The following MACC1 variants were observed in gnomAD, a reference collection of about 807,000 sequenced individuals.
The protein encoded by MACC1 is metastasis-associated in colon cancer protein 1.
In MACC1, 79 loss-of-function variants were observed where a neutral mutation model predicts 70.7. That is an observed-to-expected ratio of 1.12 (90% CI 0.93 to 1.35). The LOEUF (loss-of-function observed/expected upper bound fraction) is 1.35, where lower values mean the gene tolerates loss of function less well. Ranked by LOEUF, MACC1 falls within the 40% of genes most tolerant of loss-of-function variation. The pLI, the probability that MACC1 is intolerant of heterozygous loss-of-function variation, is 0.00. For missense variants in MACC1, 1,106 were observed against 978.1 expected, an observed-to-expected ratio of 1.13 and a Z score of -1.74; for synonymous variants, 361 against 347.2, an observed-to-expected ratio of 1.04 and a Z score of -0.44.
intron 1 of MACC1, among the ~76,000 whole-genome samples, chr7:20,177,437 A>G (rs1435612521): frequency 6.6e-6 from 1 of 152,098 alleles, no homozygotes; most frequent in East Asian, 1.9e-4. Context: ...TAATTCAGTC[A>G]GTTTGTGCTT....
At chr7:20,165,740 G>A (rs372060775) in intron 2 of MACC1, among the ~76,000 whole-genome samples, 9 of 152,018 alleles carry the variant, frequency 5.9e-5, no homozygotes, top group African/African-American at 2.2e-4. Flanking sequence ...AGTCTTTGTT[G>A]GAATGAGTAA....
intron 1 of MACC1, among the ~76,000 whole-genome samples, chr7:20,215,988 C>G (rs1783064470): frequency 6.6e-6 from 1 of 152,072 alleles, no homozygotes; most frequent in Non-Finnish European, 1.5e-5. Flanking sequence ...ATAATTATGA[C>G]TTCATAATTT....
In MACC1 at chr7:20,159,638, C is replaced by G; in HGVS notation, c.723G>C (p.Val241=). 1 of 1,614,160 alleles carries G rather than the reference C, an allele frequency of 6.2e-7. No individual in the cohort carries two copies. Among genetic ancestry groups the G allele is most frequent in the Non-Finnish European group, 8.5e-7 (1 of 1,180,024 alleles). The change falls in exon 5 of 7, where the codon GTG becomes GTC. Residue 241 remains valine (V), a synonymous_variant. Coordinates refer to ENST00000400331, the MANE Select transcript of MACC1 (RefSeq NM_182762.4). ...DITVHVPQGH[V]AVGEFQEVSL... Reference sequence around the variant, plus strand: ...ACACCTCTTGGAATTCTCCCACAGCCACATGACCTTGGGGCACATGAACAG... The same window carrying G: ...ACACCTCTTGGAATTCTCCCACAGCGACATGACCTTGGGGCACATGAACAG...
intron 5 of MACC1, among the ~76,000 whole-genome samples, chr7:20,156,578 G>A (rs1782057870): frequency 6.6e-6 from 1 of 152,180 alleles, no homozygotes; most frequent in African/African-American, 2.4e-5. Context: ...TGCACACGCA[G>A]CTTCCACCAG....
chr7:20,159,515 T>C lies in MACC1; in HGVS notation c.846A>G (p.Thr282=), dbSNP rs746945314. 17 of 1,613,978 alleles carry C rather than the reference T, an allele frequency of 1.1e-5. 1 individual carries two copies. The highest frequency in any genetic ancestry group is 5.5e-5 in the South Asian group (5 of 91,088). ...LLEIMLGNLN[T]MEALLLEMKI... ...TCATCTCCAGCAAAAGGGCTTCCAT[T>C]GTATTGAGGTTGCCTAACATGATTT... Residue 282 remains threonine, a synonymous_variant, in exon 5 of 7, where the codon ACA becomes ACG. Coordinates refer to ENST00000400331, the MANE Select transcript of MACC1 (RefSeq NM_182762.4).
Position 20,158,333 on chromosome 7 carries a change from C to T in MACC1, c.2028G>A (p.Leu676=). Residue 676 remains leucine, a synonymous_variant, in exon 5 of 7, where the codon CTG becomes CTA. Transcript: ENST00000400331. ...GAATTTGATCAAAATCTTCCAGGGA[C>T]AGATGTGAGTAACCCAGGACATCAG... The part of the protein sequence containing the change: ...VLADVLGYSH[L]SLEDFDQIQA... The T allele has an allele frequency of 6.2e-7, 1 of 1,613,892 alleles. No homozygotes were observed. The highest frequency in any genetic ancestry group is 8.5e-7 in the Non-Finnish European group (1 of 1,179,988).
At chr7:20,182,369 A>G (rs1347531728) in intron 1 of MACC1, among the ~76,000 whole-genome samples, 5 of 152,176 alleles carry the variant, frequency 3.3e-5, no homozygotes, top group East Asian at 1.9e-4. Flanking sequence ...TGATAAATCA[A>G]TTTGATAATA....
In MACC1 at chr7:20,158,498, T is replaced by G; in HGVS notation, c.1863A>C (p.Gln621His). Residue 621 changes from glutamine to histidine, a missense_variant, in exon 5 of 7, where the codon CAA becomes CAC. By Grantham distance (24) the Gln-to-His change is conservative (BLOSUM62 0). Coordinates refer to ENST00000400331, the MANE Select transcript of MACC1 (RefSeq NM_182762.4). The part of the protein sequence containing the change: ...CKNVKVISKE[Q>H]VMFMSDSVFT... ...AGACACTATCTGACATAAACATTAC[T>G]TGCTCCTTTGAAATCACCTTGACAT... is the stretch of plus-strand genomic sequence containing the variant. The G allele has an allele frequency of 1.9e-6, 3 of 1,614,118 alleles. No individual in the cohort carries two copies.
intron 1 of MACC1, among the ~76,000 whole-genome samples, chr7:20,183,839 C>T (rs933182175): frequency 2.0e-5 from 3 of 151,744 alleles, no homozygotes; most frequent in Admixed American, 1.3e-4. Context: ...TCCCAAGTAA[C>T]TGGGATCACA....
intron 1 of MACC1, among the ~76,000 whole-genome samples, chr7:20,186,111 G>A (rs577406618): frequency 8.2e-4 from 125 of 152,312 alleles, no homozygotes; most frequent in Middle Eastern, 3.4e-3. Flanking sequence ...TTACATTTAC[G>A]ATAGAGTTCC....
At chr7:20,174,981 T>C (rs891110052) in intron 1 of MACC1, among the ~76,000 whole-genome samples, 11 of 152,094 alleles carry the variant, frequency 7.2e-5, no homozygotes, top group Non-Finnish European at 7.4e-5. Flanking sequence ...ATATCACATA[T>C]CCCAAATATC....
At position 20,159,795 on chromosome 7, in the gene MACC1, G is replaced by GC; in HGVS notation, c.565dup (p.Ala189GlyfsTer6). ...TGTATTCAAATCAAGGCAGGAGCGG[G>GC]CCAGCTGGCGTTGACTTAACCAAGC... is the stretch of plus-strand genomic sequence containing the variant. On this transcript the variant is annotated frameshift_variant, in exon 5 of 7. Transcript: ENST00000400331. LOFTEE classifies it high-confidence loss of function. The GC allele has an allele frequency of 6.2e-7, 1 of 1,614,090 alleles. No homozygotes were observed. The highest frequency in any genetic ancestry group is 1.1e-5 in the South Asian group (1 of 91,088).
At chr7:20,181,795 A>G (rs1329953542) in intron 1 of MACC1, among the ~76,000 whole-genome samples, 1 of 152,192 alleles carries the variant, frequency 6.6e-6, no homozygotes, top group African/African-American at 2.4e-5. Flanking sequence ...ATGAAACAAT[A>G]AAAATAAATT....
chr7:20,141,718 T>G (rs1432030717), intron 6 of MACC1, among the ~76,000 whole-genome samples: 1 of 152,168 alleles, frequency 6.6e-6, no homozygotes, highest in Non-Finnish European at 1.5e-5. Context: ...CATGATATAT[T>G]TTATCATCGA....
At position 20,181,356 on chromosome 7, in the gene MACC1, G is replaced by C. The variant is rs73685411; in HGVS notation, c.-217-10578C>G. ...CAGTTACAGTATAAAATATTGTAGT[G>C]AAATTCCACTGAATATTAGATTAAA... On this transcript the variant is annotated intron_variant, in intron 1 of 6. Transcript: ENST00000400331. Among the ~76,000 whole-genome samples the C allele has an allele frequency of 3.4e-3, 521 of 151,978 alleles. 1 individual carries two copies. Among genetic ancestry groups the C allele is most frequent in the African/African-American group, 0.012 (505 of 41,488 alleles).
Position 20,169,575 on chromosome 7 carries a change from G to A in MACC1, c.-153+1139C>T, listed in dbSNP as rs1432342578. ...AGCTCCACTGCTTCCTAGAACACTT[G>A]ACAGTATATCAGGAGACCTCACTGG... On this transcript the variant is annotated intron_variant, in intron 2 of 6. Transcript: ENST00000400331. Among the ~76,000 whole-genome samples, 3 of 152,174 alleles carry A rather than the reference G, an allele frequency of 2.0e-5. No individual in the cohort carries two copies. The East Asian group carries it at 5.8e-4, about 29-fold the overall frequency.
At chr7:20,214,044 T>A (rs543222103) in intron 1 of MACC1, among the ~76,000 whole-genome samples, 96 of 152,192 alleles carry the variant, frequency 6.3e-4, no homozygotes, top group Non-Finnish European at 1.1e-3. Context: ...CCACTCTTCA[T>A]TTATTCATGT....
intron 1 of MACC1, among the ~76,000 whole-genome samples, chr7:20,179,283 A>G (rs1782463346): frequency 6.6e-6 from 1 of 152,088 alleles, no homozygotes; most frequent in Non-Finnish European, 1.5e-5. Context: ...CTGTTTTCAG[A>G]TTATTTTATA....
intron 1 of MACC1, among the ~76,000 whole-genome samples, chr7:20,172,791 C>T (rs943084664): frequency 6.6e-6 from 1 of 152,190 alleles, no homozygotes; most frequent in Non-Finnish European, 1.5e-5. Flanking sequence ...CTCCATCTCC[C>T]CTTTATTTAA....
Sources: gnomAD v4.1 joint callset for allele counts (sites outside exome capture counted in the v4.1 genomes callset) on GRCh38, gnomAD v4.1.1 for gene constraint, MANE v1.5 for transcripts, NCBI Gene and HGNC (gene_info 2026-07-23, HGNC 2026-07-21) for gene names.